Variants in PLCE1 observed in about 807,000 individuals in gnomAD.
PLCE1 encodes phospholipase C epsilon 1, also known as 1-phosphatidylinositol 4,5-bisphosphate phosphodiesterase epsilon-1.
PLCE1 carries 119 observed loss-of-function variants against 242.8 expected under a neutral mutation model. That is an observed-to-expected ratio of 0.49 (90% CI 0.42 to 0.57). PLCE1 has a LOEUF of 0.57. Ranked by LOEUF, PLCE1 falls within the 20% of genes least tolerant of loss-of-function variation. The probability of loss-of-function intolerance (pLI) is 0.00; values close to 1 mark genes in which losing one functional copy is unlikely to be tolerated. For synonymous variants in PLCE1, 945 were observed against 1,017.4 expected (o/e 0.93, Z 1.35); for missense variants, 2,441 against 2,788.8 (o/e 0.88, Z 2.81).
At chr10:94,319,933 G>C (rs1027254738) in intron 29 of PLCE1, among the ~76,000 whole-genome samples, 2 of 143,746 alleles carry the variant, frequency 1.4e-5, no homozygotes, top group African/African-American at 5.2e-5. Context: ...GCAGTGGCGC[G>C]ATCTCAGCTC....
chr10:94,182,716 C>G (rs547323279), intron 4 of PLCE1, among the ~76,000 whole-genome samples: 42 of 152,102 alleles, frequency 2.8e-4, no homozygotes, highest in Non-Finnish European at 4.7e-4. Flanking sequence ...TATTTTATTA[C>G]TATAATAGGC....
rs1313577956 is a variant in PLCE1 at position 94,234,107 on chromosome 10, C to G, written c.2009C>G (p.Thr670Ser). The G allele has an allele frequency of 2.5e-6, 4 of 1,613,780 alleles. No homozygotes were observed. The Admixed American group carries it at 5.0e-5, about 20-fold the overall frequency. The part of the protein sequence containing the change: ...WQFMDQSDIE[T>S]MRSLKDAMAQ... ...TTCATGGACCAGTCTGATATTGAGA[C>G]CATGAGGAGCCTGAAGGATGCTATG... Residue 670 changes from threonine (T) to serine (S), a missense_variant, in exon 6 of 33, where the codon ACC (threonine) becomes AGC (serine). Around this residue, in one of 5 missense-constraint regions of PLCE1, gnomAD observed 733 missense variants for 754.2 expected, o/e 0.97. Transcript: ENST00000371380.
intron 7 of PLCE1, among the ~76,000 whole-genome samples, chr10:94,238,294 G>T (rs1042116692): frequency 6.6e-6 from 1 of 152,184 alleles, no homozygotes; most frequent in African/African-American, 2.4e-5. Flanking sequence ...ATCTCAGCAG[G>T]AAGGGAATTG....
chr10:94,132,465 G>A lies in PLCE1; in HGVS notation c.1492+6G>A, dbSNP rs375467021. 6 of 1,612,982 alleles carry A rather than the reference G, an allele frequency of 3.7e-6. No individual in the cohort carries two copies. Among genetic ancestry groups the A allele is most frequent in the Non-Finnish European group, 5.1e-6 (6 of 1,179,236 alleles). On this transcript the variant is annotated splice_donor_region_variant and intron_variant, in intron 3 of 32. Coordinates refer to ENST00000371380, the MANE Select transcript of PLCE1 (RefSeq NM_016341.4). ...TGGACGAATGATGCTGAAAGGTAAT[G>A]CCTGAAATTTCACTTTTAACTTTCT...
intron 2 of PLCE1, among the ~76,000 whole-genome samples, chr10:94,061,195 C>A (rs1277986935): frequency 2.0e-5 from 3 of 152,082 alleles, no homozygotes; most frequent in Non-Finnish European, 4.4e-5. Context: ...AGAGAACTTT[C>A]CACAAAACTT....
At chr10:94,268,889 A>C (rs1445589283) in intron 16 of PLCE1, 40 bp from the exon 17 acceptor site, 1 of 1,145,572 alleles carries the variant, frequency 8.7e-7, no homozygotes, top group South Asian at 1.2e-5. Flanking sequence ...CTTTATCTCC[A>C]GGTGCTCACC....
intron 24 of PLCE1, among the ~76,000 whole-genome samples, chr10:94,301,725 C>G (rs2053045027): frequency 6.6e-6 from 1 of 152,174 alleles, no homozygotes; most frequent in Admixed American, 6.5e-5. Context: ...AGTTTAGAAA[C>G]TGACGTGAGG....
At position 94,298,352 on chromosome 10, in the gene PLCE1, C is replaced by G; in HGVS notation, c.5168-27C>G. The G allele has an allele frequency of 1.2e-6, 2 of 1,608,818 alleles. No homozygotes were observed. The highest frequency in any genetic ancestry group is 1.7e-6 in the Non-Finnish European group (2 of 1,175,206). The stretch of plus-strand genomic sequence containing the variant: ...AATATTTAAAGTTTTCTACACTAAT[C>G]TGCGGCTAATTTCTTGGGGGGTTTA... On this transcript the variant is annotated intron_variant, in intron 23 of 32. Coordinates refer to ENST00000371380, the MANE Select transcript of PLCE1 (RefSeq NM_016341.4). The surrounding 1 kb of genome is among the most constrained non-coding windows in gnomAD (Gnocchi z 5.2).
intron 1 of PLCE1, among the ~76,000 whole-genome samples, chr10:94,003,576 C>G (rs1289283371): frequency 4.6e-5 from 6 of 129,704 alleles, no homozygotes; most frequent in African/African-American, 1.5e-4. Flanking sequence ...GTACTTTAGC[C>G]ATGGTCATCA....
rs71031568 is a variant in PLCE1, at chr10:94,297,590, T to TA, written c.5168-752dup. ...AGGCCTGCCCCAAACTTTAAATTTG[T>TA]AAAAAAAAAAAAAAAAAAAAAAAAA... On this transcript the variant is annotated intron_variant, in intron 23 of 32. Coordinates refer to ENST00000371380, the MANE Select transcript of PLCE1 (RefSeq NM_016341.4). 8.1e-4 allele frequency among the ~76,000 whole-genome samples: 46 copies of TA among 56,572 alleles called. 8 individuals are homozygous for TA. Among genetic ancestry groups the TA allele is most frequent in the Non-Finnish European group, 1.5e-3 (41 of 27,810 alleles). The allele number at this position is 56,572 out of a possible 152,430, so 37.1% of individuals were successfully genotyped here.
At chr10:94,014,164 C>A (rs916769300) in intron 1 of PLCE1, among the ~76,000 whole-genome samples, 8 of 152,086 alleles carry the variant, frequency 5.3e-5, no homozygotes, top group African/African-American at 1.9e-4. Flanking sequence ...CTCAAGGGGT[C>A]CCTTAGGATT....
At chr10:94,240,479 GA>G (rs2050465124) in intron 7 of PLCE1, among the ~76,000 whole-genome samples, 1 of 152,156 alleles carries the variant, frequency 6.6e-6, no homozygotes, top group African/African-American at 2.4e-5. Flanking sequence ...GAATTTTCCA[GA>G]AGAGAGCATT....
At chr10:94,235,062 T>TCACTCACACACA (rs1554890685) in intron 6 of PLCE1, among the ~76,000 whole-genome samples, 3 of 135,440 alleles carry the variant, frequency 2.2e-5, no homozygotes, top group African/African-American at 8.6e-5. Context: ...TACTGACCTT[T>TCACTCACACACA]CACACACACA....
intron 2 of PLCE1, among the ~76,000 whole-genome samples, chr10:94,085,181 C>A (rs6583926): frequency 0.41 from 62,313 of 151,952 alleles, 16,288 homozygotes; most frequent in African/African-American, 0.75. Flanking sequence ...TTTATTTAAA[C>A]ATGAGGACAG....
intron 3 of PLCE1, among the ~76,000 whole-genome samples, chr10:94,163,772 C>T (rs1021590990): frequency 2.0e-5 from 3 of 152,148 alleles, no homozygotes; most frequent in African/African-American, 7.2e-5. Flanking sequence ...TACAATTTGG[C>T]ATGTTTTTGC....
At chr10:94,068,076 T>C (rs1037604202) in intron 2 of PLCE1, among the ~76,000 whole-genome samples, 3 of 152,196 alleles carry the variant, frequency 2.0e-5, no homozygotes, top group African/African-American at 7.2e-5. Flanking sequence ...CTGGCAGAAG[T>C]GGGGCTCTGC....
chr10:94,229,159 C>T (rs1589384412), intron 5 of PLCE1, among the ~76,000 whole-genome samples: 1 of 139,020 alleles, frequency 7.2e-6, no homozygotes, highest in Non-Finnish European at 1.6e-5. Context: ...CCAGCCTGGG[C>T]AATAAGAGGG....
At chr10:94,200,356 C>T (rs533821852) in intron 4 of PLCE1, among the ~76,000 whole-genome samples, 30 of 152,100 alleles carry the variant, frequency 2.0e-4, no homozygotes, top group South Asian at 1.5e-3. Context: ...GGTGCTTCAA[C>T]GGAAACACAA....
intron 28 of PLCE1, among the ~76,000 whole-genome samples, chr10:94,316,030 G>T (rs1419283106): frequency 2.0e-5 from 3 of 152,104 alleles, no homozygotes; most frequent in African/African-American, 7.2e-5. Flanking sequence ...TGACTGCACA[G>T]GGTCAGCAGC....
Sources: allele counts gnomAD v4.1 joint callset (sites outside exome capture counted in the v4.1 genomes callset), GRCh38; gene constraint gnomAD v4.1.1; regional missense constraint gnomAD v4.1.1; non-coding constraint Gnocchi (gnomAD v3.1); transcripts MANE v1.5; gene names NCBI Gene and HGNC (gene_info 2026-07-23, HGNC 2026-07-21).